TMEM184B: variants seen among roughly 807,000 people sequenced by gnomAD.
TMEM184B encodes the protein putative MAPK-activating protein FM08.
TMEM184B carries 17 observed loss-of-function variants against 41.8 expected under a neutral mutation model. The observed-to-expected ratio is 0.41, with a 90% CI of 0.28 to 0.61. TMEM184B has a LOEUF of 0.61. Ranked by LOEUF, TMEM184B falls within the 20% of genes least tolerant of loss-of-function variation. TMEM184B has a pLI of 0.34. For missense variants in TMEM184B, 393 were observed against 557.8 expected, an observed-to-expected ratio of 0.70 and a Z score of 2.98; for synonymous variants, 240 against 229.5, an observed-to-expected ratio of 1.05 and a Z score of -0.41.
intron 3 of TMEM184B, among the ~76,000 whole-genome samples, chr22:38,236,030 C>G (rs892128172): frequency 1.3e-5 from 2 of 152,170 alleles, no homozygotes; most frequent in African/African-American, 4.8e-5. Flanking sequence ...CATAAATGAC[C>G]AAGGAGCCCT....
chr22:38,236,347 G>A (rs2091773220), intron 3 of TMEM184B, among the ~76,000 whole-genome samples: 1 of 152,180 alleles, frequency 6.6e-6, no homozygotes, highest in Admixed American at 6.5e-5. Flanking sequence ...GACTGTGCTG[G>A]GGACGAGAAG....
chr22:38,233,396 A>T (rs527888890), intron 3 of TMEM184B, among the ~76,000 whole-genome samples: 27 of 152,320 alleles, frequency 1.8e-4, no homozygotes, highest in African/African-American at 6.5e-4. Context: ...GTGAGGCGTG[A>T]GCATGAAAGT....
chr22:38,216,929 T>C (rs1214189520), downstream of TMEM184B, among the ~76,000 whole-genome samples: 1 of 152,106 alleles, frequency 6.6e-6, no homozygotes, highest in Non-Finnish European at 1.5e-5. Flanking sequence ...ATGCCTATTG[T>C]TCCAGCTACT....
At chr22:38,227,252 C>G (rs538641491) in intron 5 of TMEM184B, among the ~76,000 whole-genome samples, 1 of 152,066 alleles carries the variant, frequency 6.6e-6, no homozygotes, top group Non-Finnish European at 1.5e-5. Flanking sequence ...GAGATGCACA[C>G]AAGGAAGCTT....
Position 38,219,603 on chromosome 22 carries a change from G to A in TMEM184B, c.*1866C>T, listed in dbSNP as rs111733915. On this transcript the variant is annotated 3_prime_UTR_variant, in exon 9 of 9. Transcript: ENST00000361906. ...ATGGAGCGGTCGGGCACATGTTCCC[G>A]TCCCCACGACCCCACGGACCGCTGA... 8.8e-4 allele frequency: 871 copies of A among 984,904 alleles called. 1 individual carries two copies. The highest frequency in any genetic ancestry group is 9.9e-4 in the Non-Finnish European group (824 of 829,858). 61.0% of individuals were successfully genotyped at this position (984,904 alleles called of 1,614,324 possible). A position where few individuals can be genotyped will look rare whatever the true frequency, so the allele number is the denominator to read the frequency against.
intron 1 of TMEM184B, chr22:38,272,481 G>A: frequency 3.0e-6 from 3 of 985,602 alleles, no homozygotes; most frequent in Non-Finnish European, 3.6e-6. Context: ...ACAGGGCACG[G>A]ACGCCTCCCC....
chr22:38,219,377 CAG>C lies in TMEM184B; in HGVS notation c.*2090_*2091del. On this transcript the variant is annotated 3_prime_UTR_variant, in exon 9 of 9. Transcript: ENST00000361906. ...CTTCTGTCACGCATTTAAAATGTCACAGAGACCAAAATAGAGTGGCTTTCTGG... is the reference window on the plus strand; with the variant it reads ...CTTCTGTCACGCATTTAAAATGTCACAGACCAAAATAGAGTGGCTTTCTGG... 1.0e-6 allele frequency: 1 copy of C among 985,808 alleles called. No homozygotes were observed. The highest frequency in any genetic ancestry group is 1.2e-6 in the Non-Finnish European group (1 of 829,924). The allele number at this position is 985,808 out of a possible 1,614,324, so 61.1% of individuals were successfully genotyped here.
chr22:38,248,118 G>T, intron 1 of TMEM184B, 99 bp from the exon 2 acceptor site: 1 of 1,408,054 alleles, frequency 7.1e-7, no homozygotes, highest in Non-Finnish European at 9.3e-7. Context: ...GACCATGTCT[G>T]TATTGACCCC....
chr22:38,218,440 T>C (rs991502289), downstream of TMEM184B, among the ~76,000 whole-genome samples: 1 of 152,102 alleles, frequency 6.6e-6, no homozygotes, highest in Non-Finnish European at 1.5e-5. Context: ...CCTGGAGACC[T>C]GTGGGGCTGC....
chr22:38,225,064 A>C lies in TMEM184B; in HGVS notation c.788-85T>G, dbSNP rs2091390902. On this transcript the variant is annotated intron_variant, in intron 7 of 8. Coordinates refer to ENST00000361906, the MANE Select transcript of TMEM184B (RefSeq NM_012264.5). This position sits in a 1 kb window ranked among gnomAD's most constrained non-coding sequence, Gnocchi z 4.4. ...TCCACAATGCCCCATTCAGCTGCCC[A>C]CATGCCCCAGTGAGGATGTGAGCAG... The C allele has an allele frequency of 2.1e-6, 3 of 1,410,038 alleles. No individual in the cohort carries two copies. In the Admixed American group the frequency reaches 6.9e-5, roughly 32 times the overall value. 87.3% of individuals were successfully genotyped at this position (1,410,038 alleles called of 1,614,324 possible).
chr22:38,240,732 C>CAAAAAAAAAAAAAAAAAA (rs550793359), intron 3 of TMEM184B, among the ~76,000 whole-genome samples: 1 of 66,562 alleles, frequency 1.5e-5, no homozygotes, highest in Non-Finnish European at 2.9e-5. Flanking sequence ...GAAAAAAAGG[C>CAAAAAAAAAAAAAAAAAA]AAAAAAAAAA....
chr22:38,225,692 C>T lies in TMEM184B; in HGVS notation c.618-99G>A. ...ACAGTCCCCATGGCTCTCAGCCCCA[C>T]ACCTCCAGCAGAGCTCAACGAGCCA... is the stretch of plus-strand genomic sequence containing the variant. On this transcript the variant is annotated intron_variant, in intron 6 of 8. Transcript: ENST00000361906. The surrounding 1 kb of genome is among the most constrained non-coding windows in gnomAD (Gnocchi z 4.4). 1.5e-6 allele frequency: 2 copies of T among 1,323,632 alleles called. No individual in the cohort carries two copies. Among genetic ancestry groups the T allele is most frequent in the Non-Finnish European group, 2.0e-6 (2 of 997,804 alleles). The allele number at this position is 1,323,632 out of a possible 1,614,324, so 82.0% of individuals were successfully genotyped here. A position where few individuals can be genotyped will look rare whatever the true frequency, so the allele number is the denominator to read the frequency against.
At chr22:38,253,368 G>A (rs113212147) in intron 1 of TMEM184B, among the ~76,000 whole-genome samples, 9,876 of 152,088 alleles carry the variant, frequency 0.065, 879 homozygotes, top group African/African-American at 0.2. Flanking sequence ...CTAGGAGTTC[G>A]AGACCAGCCA....
At chr22:38,269,384 C>A (rs2092488938) in intron 1 of TMEM184B, among the ~76,000 whole-genome samples, 1 of 152,162 alleles carries the variant, frequency 6.6e-6, no homozygotes, top group Non-Finnish European at 1.5e-5. Context: ...CCATGCCTGG[C>A]AAATTTTTTT....
At chr22:38,248,637 A>C (rs2145703066) in intron 1 of TMEM184B, among the ~76,000 whole-genome samples, 2 of 151,974 alleles carry the variant, frequency 1.3e-5, no homozygotes, top group Middle Eastern at 6.8e-3. Context: ...CACCCGACTA[A>C]CTCGATTCAC....
chr22:38,266,035 T>C (rs1172502809), intron 1 of TMEM184B, among the ~76,000 whole-genome samples: 1 of 152,144 alleles, frequency 6.6e-6, no homozygotes. Flanking sequence ...CACACGTCCC[T>C]TGGAGTAGGG....
At chr22:38,230,925 G>A (rs1054835844) in intron 4 of TMEM184B, among the ~76,000 whole-genome samples, 181 bp from the exon 5 acceptor site, 24 of 152,178 alleles carry the variant, frequency 1.6e-4, no homozygotes, top group African/African-American at 5.5e-4. Flanking sequence ...ACATGCCATA[G>A]GCGGAGGGAC....
intron 1 of TMEM184B, among the ~76,000 whole-genome samples, chr22:38,271,650 G>A (rs1247672324): frequency 6.6e-6 from 1 of 152,058 alleles, no homozygotes; most frequent in Non-Finnish European, 1.5e-5. Context: ...TCACATCATC[G>A]TGATCACCTG....
At chr22:38,260,679 A>G (rs135710) in intron 1 of TMEM184B, among the ~76,000 whole-genome samples, 90,591 of 152,004 alleles carry the variant, frequency 0.6, 27,110 homozygotes, top group Middle Eastern at 0.65. Context: ...ATGAGTGAAC[A>G]CAGAAAGCAC....
Sources: allele counts gnomAD v4.1 joint callset (sites outside exome capture counted in the v4.1 genomes callset), GRCh38; gene constraint gnomAD v4.1.1; non-coding constraint Gnocchi (gnomAD v3.1); transcripts MANE v1.5; gene names NCBI Gene and HGNC (gene_info 2026-07-23, HGNC 2026-07-21).